The following PPP5C variants were observed in gnomAD, a reference collection of about 807,000 sequenced individuals.
PPP5C encodes the protein protein phosphatase 5 catalytic subunit.
In PPP5C, 21 loss-of-function variants were observed where a neutral mutation model predicts 66.7. The ratio of observed to expected loss-of-function variants is 0.31; its 90% CI spans 0.22 to 0.45. The LOEUF (loss-of-function observed/expected upper bound fraction) is 0.45. PPP5C is among the 20% of genes least tolerant of loss of function. PPP5C has a pLI of 1.00. For missense variants in PPP5C, 464 were observed against 675.9 expected, an observed-to-expected ratio of 0.69 and a Z score of 3.48; for synonymous variants, 246 against 257.4, an observed-to-expected ratio of 0.96 and a Z score of 0.43.
At chr19:46,382,419 A>G (rs1972808231) in intron 4 of PPP5C, 1 of 152,138 alleles carries the variant, frequency 6.6e-6, no homozygotes, top group Non-Finnish European at 1.5e-5. Flanking sequence ...AGGGCGAGAC[A>G]GTCTTTTGTA....
chr19:46,378,479 T>G (rs1385017297), intron 4 of PPP5C, among the ~76,000 whole-genome samples: 1 of 152,346 alleles, frequency 6.6e-6, no homozygotes, highest in East Asian at 1.9e-4. Context: ...TTCAAGATGG[T>G]TGAGACTGCT....
chr19:46,388,627 G>C lies in PPP5C; in HGVS notation c.1251G>C (p.Glu417Asp), dbSNP rs1972934370. ...ACGTCACCAAGGCCTTCTTGGAAGA[G>C]AACAACCTGGACTATATCATCCGCA... ...GPDVTKAFLE[E>D]NNLDYIIRSH... The change falls in exon 11 of 13, where the codon GAG becomes GAC. Residue 417 changes from glutamate (E) to aspartate (D), a missense_variant. By Grantham distance (45) the Glu-to-Asp change is conservative (BLOSUM62 2). Coordinates refer to ENST00000012443, the MANE Select transcript of PPP5C (RefSeq NM_006247.4). The surrounding 1 kb of genome is among the most constrained non-coding windows in gnomAD (Gnocchi z 4.9). The C allele has an allele frequency of 6.2e-7, 1 of 1,614,192 alleles. No individual in the cohort carries two copies. The highest frequency in any genetic ancestry group is 8.5e-7 in the Non-Finnish European group (1 of 1,180,032).
chr19:46,365,774 T>G (rs1273694208), intron 2 of PPP5C, among the ~76,000 whole-genome samples: 1 of 152,138 alleles, frequency 6.6e-6, no homozygotes, highest in Non-Finnish European at 1.5e-5. Context: ...TTTTCTCTTC[T>G]CTTTGAGGCA....
intron 3 of PPP5C, 71 bp downstream of exon 3, chr19:46,375,822 G>T (rs1972685061): frequency 1.3e-6 from 2 of 1,508,184 alleles, no homozygotes; most frequent in African/African-American, 2.8e-5. Flanking sequence ...TTCCCTGGGG[G>T]TGGGGTTGGG....
At chr19:46,362,955 T>G (rs1168968010) in intron 2 of PPP5C, among the ~76,000 whole-genome samples, 7 of 149,154 alleles carry the variant, frequency 4.7e-5, no homozygotes, top group Admixed American at 4.7e-4. Context: ...ACCCGGCTAA[T>G]TTTTTGTATT....
Position 46,387,086 on chromosome 19 carries a change from T to G in PPP5C, c.905-7T>G. On this transcript the variant is annotated splice_polypyrimidine_tract_variant and splice_region_variant and intron_variant, in intron 7 of 12. Transcript: ENST00000012443. ...TGAGCTTTCTCTTCTGTCCCCGTGT[T>G]GGCCAGGCAACCACGAGACAGACAA... 6.2e-7 allele frequency: 1 copy of G among 1,614,244 alleles called. No individual in the cohort carries two copies. The highest frequency in any genetic ancestry group is 8.5e-7 in the Non-Finnish European group (1 of 1,180,042).
At position 46,390,104 on chromosome 19, in the gene PPP5C, G is replaced by A. The variant is rs148346594; in HGVS notation, c.1409G>A (p.Arg470Gln). 4.0e-5 allele frequency: 64 copies of A among 1,614,062 alleles called. No homozygotes were observed. Among genetic ancestry groups the A allele is most frequent in the African/African-American group, 3.9e-4 (29 of 74,928 alleles). Residue 470 changes from arginine to glutamine, a missense_variant, in exon 12 of 13, where the codon CGG becomes CAG. Physicochemically the swap from Arg to Gln is conservative, Grantham distance 43. Around this residue, in one of 2 missense-constraint regions of PPP5C, gnomAD observed 387 missense variants for 626.0 expected, o/e 0.62. Transcript: ENST00000012443. ...SYIHLQGSDL[R>Q]PQFHQFTAVP... ...ATCCACCTCCAGGGCTCTGACCTACGGCCTCAGTTCCACCAGTTCACAGCA... is the reference window on the plus strand; with the variant it reads ...ATCCACCTCCAGGGCTCTGACCTACAGCCTCAGTTCCACCAGTTCACAGCA...
Position 46,390,725 on chromosome 19 carries a change from CA to C in PPP5C, c.*380del. The C allele has an allele frequency of 8.7e-7, 1 of 1,150,566 alleles. No individual in the cohort carries two copies. Among genetic ancestry groups the C allele is most frequent in the South Asian group, 2.1e-5 (1 of 47,192 alleles). The allele number at this position is 1,150,566 out of a possible 1,614,324, so 71.3% of individuals were successfully genotyped here. On this transcript the variant is annotated 3_prime_UTR_variant, in exon 13 of 13. Transcript: ENST00000012443. ...GGAAGACCCCCAGAGAGAGGGTCAG[CA>C]GGGGGGCCCCGCCTGCGCCTCCCCT...
intron 2 of PPP5C, among the ~76,000 whole-genome samples, chr19:46,373,585 C>A (rs1972634032): frequency 6.6e-6 from 1 of 152,128 alleles, no homozygotes; most frequent in African/African-American, 2.4e-5. Context: ...AGCCCGCCCA[C>A]CCCTGGAGAA....
At chr19:46,354,746 A>G (rs574378780) in intron 2 of PPP5C, among the ~76,000 whole-genome samples, 4 of 152,044 alleles carry the variant, frequency 2.6e-5, no homozygotes, top group African/African-American at 7.2e-5. Context: ...GCAGTGAGCT[A>G]TGCTCTCACC....
intron 11 of PPP5C, among the ~76,000 whole-genome samples, chr19:46,389,242 C>T (rs1304666063): frequency 2.0e-5 from 3 of 151,600 alleles, no homozygotes; most frequent in South Asian, 4.2e-4. Context: ...GAGAATTGTT[C>T]GAACCCGGGA....
rs1479395757 is a variant in PPP5C at position 46,388,055 on chromosome 19, T to G, written c.1136-353T>G. The G allele has an allele frequency of 6.6e-6, 2 of 305,028 alleles. No individual in the cohort carries two copies. Among genetic ancestry groups the G allele is most frequent in the East Asian group, 1.2e-4 (2 of 16,068 alleles). 18.9% of individuals were successfully genotyped at this position (305,028 alleles called of 1,614,324 possible). A position where few individuals can be genotyped will look rare whatever the true frequency, so the allele number is the denominator to read the frequency against. On this transcript the variant is annotated intron_variant, in intron 9 of 12. Transcript: ENST00000012443. This position sits in a 1 kb window ranked among gnomAD's most constrained non-coding sequence, Gnocchi z 4.9. ...TGGGGTTCACTGGGCCCAAATCCTA[T>G]GGCGCTTTACAGGCCCCAGTGAGGA...
chr19:46,347,242 G>T, intron 1 of PPP5C, 25 bp downstream of exon 1: 1 of 1,591,644 alleles, frequency 6.3e-7, no homozygotes, highest in South Asian at 1.1e-5. Flanking sequence ...CAGGGAGGGT[G>T]GACAGTGGCC....
In PPP5C at chr19:46,383,057, CTT is replaced by C. The variant is rs1972820535; in HGVS notation, c.634-351_634-350del. ...AGTCTCACTTCTTTTTTGGGAGACT[CTT>C]TTATGACAGTGACATTGCGCTGTGT... On this transcript the variant is annotated intron_variant, in intron 4 of 12. Coordinates refer to ENST00000012443, the MANE Select transcript of PPP5C (RefSeq NM_006247.4). The surrounding 1 kb of genome is among the most constrained non-coding windows in gnomAD (Gnocchi z 5.0). 1.8e-6 allele frequency: 2 copies of C among 1,109,250 alleles called. No individual in the cohort carries two copies. Among genetic ancestry groups the C allele is most frequent in the Non-Finnish European group, 2.3e-6 (2 of 868,896 alleles). The allele number at this position is 1,109,250 out of a possible 1,614,324, so 68.7% of individuals were successfully genotyped here. A position where few individuals can be genotyped will look rare whatever the true frequency, so the allele number is the denominator to read the frequency against.
chr19:46,351,340 C>T (rs904182334), intron 1 of PPP5C, among the ~76,000 whole-genome samples: 6 of 152,162 alleles, frequency 3.9e-5, no homozygotes, highest in Non-Finnish European at 7.3e-5. Context: ...GCATGTGGGT[C>T]GACCCGTGGA....
chr19:46,354,776 G>C (rs563044789), intron 2 of PPP5C, among the ~76,000 whole-genome samples: 4 of 151,762 alleles, frequency 2.6e-5, no homozygotes, highest in Admixed American at 6.6e-5. Flanking sequence ...CAGCCTGGGC[G>C]ACACAGTGAG....
intron 7 of PPP5C, among the ~76,000 whole-genome samples, chr19:46,386,311 G>T (rs1164068698): frequency 6.6e-6 from 1 of 152,210 alleles, no homozygotes; most frequent in African/African-American, 2.4e-5. Context: ...GGTGAGTTGG[G>T]AGGTGAGTGA....
intron 2 of PPP5C, among the ~76,000 whole-genome samples, chr19:46,364,212 G>C (rs1252323800): frequency 1.3e-5 from 2 of 152,168 alleles, no homozygotes; most frequent in Non-Finnish European, 2.9e-5. Flanking sequence ...ATATACGTGT[G>C]TGTGTGTATG....
intron 2 of PPP5C, among the ~76,000 whole-genome samples, chr19:46,369,150 T>A (rs1568570060): frequency 6.6e-6 from 1 of 152,150 alleles, no homozygotes; most frequent in African/African-American, 2.4e-5. Context: ...AGAAGTGTGT[T>A]GTTAGGTGAT....
Sources: allele counts gnomAD v4.1 joint callset (sites outside exome capture counted in the v4.1 genomes callset), GRCh38; gene constraint gnomAD v4.1.1; regional missense constraint gnomAD v4.1.1; non-coding constraint Gnocchi (gnomAD v3.1); transcripts MANE v1.5; gene names NCBI Gene and HGNC (gene_info 2026-07-23, HGNC 2026-07-21).